Variants in ENG observed in about 807,000 individuals in gnomAD.
ENG encodes the protein CD105 antigen.
In ENG, 17 loss-of-function variants were observed where a neutral mutation model predicts 71.0. The observed-to-expected ratio is 0.24, with a 90% CI of 0.16 to 0.36. ENG has a LOEUF of 0.36. Ranked by LOEUF, ENG falls within the 10% of genes least tolerant of loss-of-function variation. The pLI, the probability that ENG is intolerant of heterozygous loss-of-function variation, is 1.00. For synonymous variants in ENG, 360 were observed against 366.9 expected (o/e 0.98, Z 0.21); for missense variants, 749 against 868.3 (o/e 0.86, Z 1.73).
At chr9:127,833,010 G>A (rs1251045784) in intron 2 of ENG, among the ~76,000 whole-genome samples, 3 of 152,118 alleles carry the variant, frequency 2.0e-5, no homozygotes, top group African/African-American at 7.2e-5. Context: ...ACCCGCCTTG[G>A]CCTCCCAAAG....
rs117253420 is a variant in ENG, at chr9:127,853,984, G to A, written c.67+305C>T. Among the ~76,000 whole-genome samples, 431 of 152,342 alleles carry A rather than the reference G, an allele frequency of 2.8e-3. 12 individuals carry two copies. The East Asian group carries it at 0.069, about 24-fold the overall frequency. On this transcript the variant is annotated intron_variant, in intron 1 of 14. Coordinates refer to ENST00000373203, the MANE Select transcript of ENG (RefSeq NM_001114753.3). ...AGAGAGGCCAGGAAACTCTCCCGTC[G>A]CTGCACAGCATTCTGGGACCTAGGC...
chr9:127,842,620 T>TCA (rs1289509843), intron 2 of ENG, among the ~76,000 whole-genome samples: 1 of 152,118 alleles, frequency 6.6e-6, no homozygotes, highest in Non-Finnish European at 1.5e-5. Context: ...AGATGGGGTT[T>TCA]CACCATGTTG....
At chr9:127,823,092 C>T (rs951431284) in intron 8 of ENG, among the ~76,000 whole-genome samples, 2 of 151,970 alleles carry the variant, frequency 1.3e-5, no homozygotes, top group African/African-American at 2.4e-5. Context: ...CTGCCTGCCT[C>T]GGCCTCCAAA....
chr9:127,847,605 A>G (rs1024619143), intron 1 of ENG, among the ~76,000 whole-genome samples: 1 of 151,908 alleles, frequency 6.6e-6, no homozygotes, highest in African/African-American at 2.4e-5. Context: ...GTGGACCACC[A>G]CACTCAGCTA....
intron 2 of ENG, among the ~76,000 whole-genome samples, chr9:127,837,195 C>T (rs781009223): frequency 1.2e-4 from 18 of 152,298 alleles, no homozygotes; most frequent in Middle Eastern, 3.4e-3. Context: ...AGGTGGGCTG[C>T]AGCTGGTGAG....
chr9:127,825,609 T>G, intron 5 of ENG, 86 bp downstream of exon 5: 5 of 1,138,870 alleles, frequency 4.4e-6, no homozygotes, highest in Non-Finnish European at 5.6e-6. Flanking sequence ...TGGGGCTTTA[T>G]AAGGGACCGG....
At chr9:127,816,696 G>C (rs551409289) in intron 13 of ENG, 2 of 260,700 alleles carry the variant, frequency 7.7e-6, no homozygotes, top group East Asian at 9.6e-5. Context: ...TCTGCCACCA[G>C]TGTCGGGACT....
At chr9:127,819,593 G>T in intron 10 of ENG, 29 bp downstream of exon 10, 1 of 1,612,538 alleles carries the variant, frequency 6.2e-7, no homozygotes, top group Non-Finnish European at 8.5e-7. Flanking sequence ...CCTGGGCCAG[G>T]TGGGTTAGCA....
intron 2 of ENG, among the ~76,000 whole-genome samples, chr9:127,840,894 G>A (rs1831015478): frequency 6.6e-6 from 1 of 152,180 alleles, no homozygotes; most frequent in Non-Finnish European, 1.5e-5. Flanking sequence ...TTGGAATATG[G>A]CATGAGTTAC....
At chr9:127,819,546 TCCCAGGCCAGGAAGAGG>T in intron 10 of ENG, 59 bp downstream of exon 10, 1 of 1,600,478 alleles carries the variant, frequency 6.2e-7, no homozygotes, top group Non-Finnish European at 8.5e-7. Context: ...GCCTGCTCCC[TCCCAGGCCAGGAAGAGG>T]CCCCGGCCCA....
intron 2 of ENG, among the ~76,000 whole-genome samples, chr9:127,835,726 G>A (rs1231106361): frequency 6.6e-6 from 1 of 152,096 alleles, no homozygotes; most frequent in East Asian, 1.9e-4. Flanking sequence ...AATGGGGGTA[G>A]GACAGGGTTG....
intron 8 of ENG, among the ~76,000 whole-genome samples, chr9:127,822,079 A>G (rs1830481446): frequency 6.6e-6 from 1 of 151,982 alleles, no homozygotes; most frequent in African/African-American, 2.4e-5. Flanking sequence ...AAGAAAAACC[A>G]CTGTAGCCAA....
intron 12 of ENG, 147 bp from the exon 13 acceptor site, chr9:127,817,350 C>T (rs1830349563): frequency 1.3e-6 from 1 of 790,856 alleles, no homozygotes; most frequent in East Asian, 2.7e-5. Flanking sequence ...CTGGGTGAGT[C>T]CTGGAAGATC....
chr9:127,826,192 A>G (rs1357263491), intron 4 of ENG, among the ~76,000 whole-genome samples: 1 of 152,222 alleles, frequency 6.6e-6, no homozygotes, highest in Admixed American at 6.5e-5. Context: ...TCACAGTATC[A>G]GCTCCAGGAA....
chr9:127,834,021 T>C (rs1171183550), intron 2 of ENG, among the ~76,000 whole-genome samples: 1 of 152,220 alleles, frequency 6.6e-6, no homozygotes, highest in African/African-American at 2.4e-5. Context: ...TGTGATCAAT[T>C]AGTTGTAAAC....
chr9:127,824,512 C>CTTTTTTTTT (rs71380096), intron 7 of ENG, 66 bp from the exon 8 acceptor site: 8 of 685,782 alleles, frequency 1.2e-5, no homozygotes, highest in South Asian at 8.8e-5. Context: ...CCGCACCAGG[C>CTTTTTTTTT]TTTTTTTTTT....
chr9:127,842,944 C>T (rs1831074987), intron 2 of ENG, 150 bp downstream of exon 2: 1 of 1,285,366 alleles, frequency 7.8e-7, no homozygotes, highest in Non-Finnish European at 1.1e-6. Context: ...TCTTATGGGC[C>T]CTGTGAGATG....
Position 127,849,512 on chromosome 9 carries a change from G to A in ENG, c.67+4777C>T, listed in dbSNP as rs140281556. On this transcript the variant is annotated intron_variant, in intron 1 of 14. Coordinates refer to ENST00000373203, the MANE Select transcript of ENG (RefSeq NM_001114753.3). ...GACTCTGTTTCCCTATGGCTAGTGG[G>A]TGGGGAAGAGCGGGGGTGGATAGGA... is the stretch of plus-strand genomic sequence containing the variant. Among the ~76,000 whole-genome samples the A allele has an allele frequency of 6.8e-4, 104 of 152,288 alleles. No homozygotes were observed. In the East Asian group the frequency reaches 0.018, roughly 27 times the overall value.
At chr9:127,817,834 G>GTGGA (rs1346375700) in intron 12 of ENG, 39 of 548,688 alleles carry the variant, frequency 7.1e-5, no homozygotes, top group South Asian at 1.4e-4. Flanking sequence ...GGGTGGGAGG[G>GTGGA]TGGATGGATG....
Sources: gnomAD v4.1 joint callset for allele counts (sites outside exome capture counted in the v4.1 genomes callset) on GRCh38, gnomAD v4.1.1 for gene constraint, MANE v1.5 for transcripts, NCBI Gene and HGNC (gene_info 2026-07-23, HGNC 2026-07-21) for gene names.